The following SCAF4 variants were observed in gnomAD, a reference collection of about 807,000 sequenced individuals.
SCAF4 encodes the protein SR-related CTD associated factor 4, also known as SR-related and CTD-associated factor 4.
A neutral mutation model predicts 129.8 loss-of-function variants in SCAF4; 25 were observed. The observed-to-expected ratio is 0.19, with a 90% CI of 0.14 to 0.27. The LOEUF is 0.27. Among genes scored for constraint, SCAF4 ranks in the 10% least tolerant of loss-of-function variants. The pLI is 1.00. For missense variants in SCAF4, 1,246 were observed against 1,457.1 expected (o/e 0.86, Z 2.36); for synonymous variants, 551 against 497.7 (o/e 1.11, Z -1.43).
intron 19 of SCAF4, among the ~76,000 whole-genome samples, chr21:31,679,098 G>A (rs73351380): frequency 2.0e-5 from 3 of 152,096 alleles, no homozygotes; most frequent in African/African-American, 7.2e-5. Context: ...TTCCCAGGGT[G>A]GTAAGAATCT....
chr21:31,701,239 TA>T lies in SCAF4; in HGVS notation c.601-69del, dbSNP rs1025291572. On this transcript the variant is annotated intron_variant, in intron 6 of 19. Coordinates refer to ENST00000286835, the MANE Select transcript of SCAF4 (RefSeq NM_020706.2). ...ATCATACTATCAAAAGTTAATTTAA[TA>T]AAAAAATGTCTTAAAGGTGATTCAA... The T allele has an allele frequency of 7.6e-5, 104 of 1,375,778 alleles. 2 individuals carry two copies. In the African/African-American group the frequency reaches 1.3e-3, roughly 17 times the overall value. The allele number at this position is 1,375,778 out of a possible 1,614,324, so 85.2% of individuals were successfully genotyped here.
chr21:31,724,520 A>C (rs2051152665), intron 1 of SCAF4, among the ~76,000 whole-genome samples: 1 of 152,350 alleles, frequency 6.6e-6, no homozygotes, highest in East Asian at 1.9e-4. Context: ...TGTCTCAACA[A>C]ATGTTATGAA....
rs145915853 is a variant in SCAF4 at position 31,685,671 on chromosome 21, A to C, written c.2106T>G (p.Pro702=). ...VGALQPPAFT[P]PLGIPPPGFG... Reference sequence around the variant, plus strand: ...AGCCTGGAGGCGGTATTCCCAGAGGAGGCGTGAAAGCAGGCGGCTGGAGAG... The same window carrying C: ...AGCCTGGAGGCGGTATTCCCAGAGGCGGCGTGAAAGCAGGCGGCTGGAGAG... The change falls in exon 17 of 20, where the codon CCT becomes CCG. Residue 702 remains proline, a synonymous_variant. Transcript: ENST00000286835. 9.4e-4 allele frequency: 1,513 copies of C among 1,613,516 alleles called. 15 individuals are homozygous for C. In the African/African-American group the frequency reaches 0.017, roughly 19 times the overall value.
intron 7 of SCAF4, among the ~76,000 whole-genome samples, chr21:31,698,345 G>A (rs2050438244): frequency 6.6e-6 from 1 of 152,038 alleles, no homozygotes; most frequent in South Asian, 2.1e-4. Flanking sequence ...GTCCACTTAA[G>A]GTTAAATACT....
chr21:31,728,675 G>GC (rs1235066308), intron 1 of SCAF4, among the ~76,000 whole-genome samples: 1 of 152,040 alleles, frequency 6.6e-6, no homozygotes, highest in Non-Finnish European at 1.5e-5. Context: ...TGCCTGACAT[G>GC]CCATTGGTCT....
At position 31,701,056 on chromosome 21, in the gene SCAF4, G is replaced by A; in HGVS notation, c.716C>T (p.Thr239Ile). Residue 239 changes from threonine to isoleucine, a missense_variant, in exon 7 of 20, where the codon ACA becomes ATA. By Grantham distance (89) the Thr-to-Ile change is moderately conservative. Around this residue, in one of 6 missense-constraint regions of SCAF4, gnomAD observed 143 missense variants for 161.0 expected, o/e 0.89. Transcript: ENST00000286835. ...AITAQLKTTPTQPSEQKAAFP... is the reference protein window; with the variant it reads ...AITAQLKTTPIQPSEQKAAFP... The stretch of plus-strand genomic sequence containing the variant: ...AGCAGCTTTTTGTTCAGATGGTTGT[G>A]TAGGAGTTGTCTTTAACTGAGCTGT... 1.1e-5 allele frequency: 18 copies of A among 1,614,102 alleles called. No individual in the cohort carries two copies. The highest frequency in any genetic ancestry group is 2.2e-5 in the South Asian group (2 of 91,078).
intron 1 of SCAF4, among the ~76,000 whole-genome samples, chr21:31,710,959 T>A (rs2050786445): frequency 6.6e-6 from 1 of 152,230 alleles, no homozygotes; most frequent in African/African-American, 2.4e-5. Flanking sequence ...TTTTTATAAA[T>A]GACCACCCTT....
intron 19 of SCAF4, among the ~76,000 whole-genome samples, chr21:31,674,323 GA>G (rs1479327057): frequency 6.6e-6 from 1 of 152,108 alleles, no homozygotes; most frequent in Non-Finnish European, 1.5e-5. Context: ...TTTTTATAAA[GA>G]ATTGCCTACT....
chr21:31,702,819 G>A (rs373861148), intron 4 of SCAF4, among the ~76,000 whole-genome samples: 1 of 152,202 alleles, frequency 6.6e-6, no homozygotes, highest in East Asian at 1.9e-4. Context: ...GAGAATATAT[G>A]TTATTCATGG....
intron 1 of SCAF4, among the ~76,000 whole-genome samples, chr21:31,707,864 A>G (rs2050704296): frequency 6.6e-6 from 1 of 152,224 alleles, no homozygotes; most frequent in South Asian, 2.1e-4. Flanking sequence ...AAGGCATGGA[A>G]TGCCAAATAT....
chr21:31,706,151 G>A, intron 2 of SCAF4, 123 bp downstream of exon 2: 1 of 680,534 alleles, frequency 1.5e-6, no homozygotes, highest in Non-Finnish European at 2.6e-6. Context: ...CTTCAGCAAA[G>A]GCTGGTTAGG....
chr21:31,696,425 T>C, intron 8 of SCAF4, 144 bp downstream of exon 8: 1 of 900,812 alleles, frequency 1.1e-6, no homozygotes, highest in Non-Finnish European at 1.6e-6. Context: ...AGAGGATCCC[T>C]TCCTCATTCA....
At chr21:31,713,745 C>CGGGGGG (rs1209369473) in intron 1 of SCAF4, among the ~76,000 whole-genome samples, 1 of 19,498 alleles carries the variant, frequency 5.1e-5, no homozygotes, top group African/African-American at 2.8e-4. Flanking sequence ...CAAACCGGAG[C>CGGGGGG]GGGGGTGGGG....
intron 19 of SCAF4, among the ~76,000 whole-genome samples, chr21:31,682,037 T>C (rs752471175): frequency 1.3e-5 from 2 of 152,196 alleles, no homozygotes; most frequent in Non-Finnish European, 2.9e-5. Context: ...ACACATTTTC[T>C]CATTAAGCCA....
intron 1 of SCAF4, among the ~76,000 whole-genome samples, chr21:31,729,243 A>G (rs1455370743): frequency 6.6e-6 from 1 of 152,162 alleles, no homozygotes; most frequent in Non-Finnish European, 1.5e-5. Flanking sequence ...TAGCCTTCAG[A>G]ATCAAAATAC....
rs1330022249 is a variant in SCAF4 at position 31,732,004 on chromosome 21, C to T, written c.-312G>A. Reference sequence around the variant, plus strand: ...TCTGCGTCTCGCTGACACGGCCCCCCGCGCCCTCACGCACTGGCTCACACT... The same window carrying T: ...TCTGCGTCTCGCTGACACGGCCCCCTGCGCCCTCACGCACTGGCTCACACT... On this transcript the variant is annotated 5_prime_UTR_variant, in exon 1 of 20. Transcript: ENST00000286835. 2 of 471,662 alleles carry T rather than the reference C, an allele frequency of 4.2e-6. No homozygotes were observed. The highest frequency in any genetic ancestry group is 7.3e-6 in the Non-Finnish European group (2 of 272,182). 29.2% of individuals were successfully genotyped at this position (471,662 alleles called of 1,614,324 possible).
chr21:31,677,715 A>G (rs2049894692), intron 19 of SCAF4, among the ~76,000 whole-genome samples: 1 of 152,134 alleles, frequency 6.6e-6, no homozygotes, highest in Non-Finnish European at 1.5e-5. Context: ...ATCCTAGCCC[A>G]CGGGCTGTAC....
chr21:31,687,716 A>G lies in SCAF4; in HGVS notation c.2043+591T>C, dbSNP rs180722895. On this transcript the variant is annotated intron_variant, in intron 16 of 19. Transcript: ENST00000286835. Reference sequence around the variant, plus strand: ...CTTCAGGACACAAAGTCCCTGAAGAATGAAGACTCAGAAAAAAAGTAGGCA... The same window carrying G: ...CTTCAGGACACAAAGTCCCTGAAGAGTGAAGACTCAGAAAAAAAGTAGGCA... Among the ~76,000 whole-genome samples, 170 of 152,340 alleles carry G rather than the reference A, an allele frequency of 1.1e-3. 1 individual carries two copies. Among genetic ancestry groups the G allele is most frequent in the South Asian group, 8.3e-3 (40 of 4,828 alleles).
rs144017562 is a variant in SCAF4 at position 31,724,674 on chromosome 21, T to C, written c.30+6989A>G. ...GTAAATTATATTTGTTCGTGCCCCA[T>C]GACACAGAACAACCTACAATTTTTA... is the stretch of plus-strand genomic sequence containing the variant. On this transcript the variant is annotated intron_variant, in intron 1 of 19. Transcript: ENST00000286835. Among the ~76,000 whole-genome samples the C allele has an allele frequency of 7.2e-4, 110 of 152,298 alleles. 1 individual carries two copies. Among genetic ancestry groups the C allele is most frequent in the African/African-American group, 2.5e-3 (104 of 41,544 alleles).
Sources: allele counts gnomAD v4.1 joint callset (sites outside exome capture counted in the v4.1 genomes callset), GRCh38; gene constraint gnomAD v4.1.1; regional missense constraint gnomAD v4.1.1; transcripts MANE v1.5; gene names NCBI Gene and HGNC (gene_info 2026-07-23, HGNC 2026-07-21).